Variants in HPS1 observed in about 807,000 individuals in gnomAD.
HPS1 encodes HPS1 biogenesis of lysosomal organelles complex 3 subunit 1.
HPS1 carries 59 observed loss-of-function variants against 90.6 expected under a neutral mutation model. The ratio of observed to expected loss-of-function variants is 0.65; its 90% CI spans 0.53 to 0.81. The LOEUF is 0.81. Among genes scored for constraint, HPS1 ranks in the 30% least tolerant of loss-of-function variants. The pLI is 0.00. For missense variants in HPS1, 849 were observed against 896.7 expected (o/e 0.95, Z 0.68); for synonymous variants, 388 against 384.4 (o/e 1.01, Z -0.11).
rs1333947797 is a variant in HPS1, at chr10:98,417,827, G to A, written c.1941-101C>T. Reference sequence around the variant, plus strand: ...CTCGCAAGCAAATGCCCATGCCCTCGGTCATCTCACTAGGCCCCTGCATGT... The same window carrying A: ...CTCGCAAGCAAATGCCCATGCCCTCAGTCATCTCACTAGGCCCCTGCATGT... On this transcript the variant is annotated intron_variant, in intron 19 of 19. Coordinates refer to ENST00000361490, the MANE Select transcript of HPS1 (RefSeq NM_000195.5). This position sits in a 1 kb window ranked among gnomAD's most constrained non-coding sequence, Gnocchi z 4.2. 1.5e-5 allele frequency: 17 copies of A among 1,139,938 alleles called. No homozygotes were observed. The highest frequency in any genetic ancestry group is 1.2e-4 in the East Asian group (5 of 40,596). 70.6% of individuals were successfully genotyped at this position (1,139,938 alleles called of 1,614,324 possible).
At chr10:98,441,577 C>T (rs181210629) in intron 3 of HPS1, among the ~76,000 whole-genome samples, 1 of 152,210 alleles carries the variant, frequency 6.6e-6, no homozygotes, top group East Asian at 1.9e-4. Flanking sequence ...CAAACACAAG[C>T]CACAAACTGA....
Position 98,445,515 on chromosome 10 carries a change from T to TC in HPS1, c.-105-112dup, listed in dbSNP as rs1248665981. 1 of 152,470 alleles carries TC rather than the reference T, an allele frequency of 6.6e-6. No individual in the cohort carries two copies. Among genetic ancestry groups the TC allele is most frequent in the Non-Finnish European group, 1.5e-5 (1 of 68,238 alleles). The allele number at this position is 152,470 out of a possible 1,614,324, so 9.4% of individuals were successfully genotyped here. A position where few individuals can be genotyped will look rare whatever the true frequency, so the allele number is the denominator to read the frequency against. ...GAAGGGCTGCGTGGTCCCTGGTCTC[T>TC]CCAGGCCCTGAGGCAGTCTGCTAAG... On this transcript the variant is annotated intron_variant, in intron 1 of 19. Coordinates refer to ENST00000361490, the MANE Select transcript of HPS1 (RefSeq NM_000195.5). This position sits in a 1 kb window ranked among gnomAD's most constrained non-coding sequence, Gnocchi z 4.5.
intron 8 of HPS1, among the ~76,000 whole-genome samples, chr10:98,430,187 T>C (rs374779539): frequency 6.6e-6 from 1 of 152,218 alleles, no homozygotes; most frequent in African/African-American, 2.4e-5. Flanking sequence ...CCCCAGGCAG[T>C]GCCAGGTTCT....
In HPS1 at chr10:98,416,392, A is replaced by G. The variant is rs889674880; in HGVS notation, c.*1172T>C. 1 of 152,290 alleles carries G rather than the reference A, an allele frequency of 6.6e-6. No individual in the cohort carries two copies. The highest frequency in any genetic ancestry group is 6.5e-5 in the Admixed American group (1 of 15,272). The allele number at this position is 152,290 out of a possible 1,614,324, so 9.4% of individuals were successfully genotyped here. A position where few individuals can be genotyped will look rare whatever the true frequency, so the allele number is the denominator to read the frequency against. ...TTTATGTTTTTCTGTATTTTCCACA[A>G]TCCACGCTTTTCATTGCCATTCCAT... On this transcript the variant is annotated 3_prime_UTR_variant, in exon 20 of 20. Transcript: ENST00000361490.
rs574303599 is a variant in HPS1 at position 98,436,807 on chromosome 10, C to T, written c.118-1035G>A. Among the ~76,000 whole-genome samples, 11 of 152,314 alleles carry T rather than the reference C, an allele frequency of 7.2e-5. No individual in the cohort carries two copies. The East Asian group carries it at 1.5e-3, about 21-fold the overall frequency. On this transcript the variant is annotated intron_variant, in intron 3 of 19. Transcript: ENST00000361490. ...CCTAACTTGGAGCTGGGGAAGTCTA[C>T]AAGAAGCTGAGTAAGACCTTGCCTT...
rs375906039 is a variant in HPS1, at chr10:98,422,412, G to C, written c.1700C>G (p.Ser567Trp). ...PSLNCSQKTS[S>W]ELGKGPLAAF... ...AGCCAGCGGCCCCTTGCCCAACTCC[G>C]ACGAGGTCTTTTGACTGCAGTTGAG... Residue 567 changes from serine to tryptophan, a missense_variant, in exon 17 of 20, where the codon TCG becomes TGG. By Grantham distance (177) the Ser-to-Trp change is radical (BLOSUM62 -3). Transcript: ENST00000361490. 4.4e-6 allele frequency: 7 copies of C among 1,579,662 alleles called. No homozygotes were observed. Among genetic ancestry groups the C allele is most frequent in the East Asian group, 2.4e-5 (1 of 42,344 alleles).
rs367633254 is a variant in HPS1 at position 98,424,347 on chromosome 10, C to A, written c.1363G>T (p.Ala455Ser). 1.2e-6 allele frequency: 2 copies of A among 1,612,948 alleles called. No homozygotes were observed. The highest frequency in any genetic ancestry group is 1.7e-6 in the Non-Finnish European group (2 of 1,179,604). ...GATCCGGGCTCACTTTTGGAGAAAG[C>A]CTTGGCCTTAAACTCCAGCCAGGTG... Reference protein sequence around the residue: ...QSTWLEFKAKAFSKSEPGSSW... With the variant: ...QSTWLEFKAKSFSKSEPGSSW... The change falls in exon 14 of 20, where the codon GCT becomes TCT. Residue 455 changes from alanine to serine, a missense_variant. Transcript: ENST00000361490.
At chr10:98,436,959 T>TA (rs1847425560) in intron 3 of HPS1, among the ~76,000 whole-genome samples, 1 of 152,200 alleles carries the variant, frequency 6.6e-6, no homozygotes, top group African/African-American at 2.4e-5. Flanking sequence ...CTCCCACAGT[T>TA]AGTCTGTCCA....
chr10:98,443,872 A>C (rs557563811), intron 2 of HPS1, among the ~76,000 whole-genome samples: 4 of 152,276 alleles, frequency 2.6e-5, no homozygotes, highest in South Asian at 2.1e-4. Flanking sequence ...GTCTCTACTA[A>C]AAATACAAAA....
At chr10:98,427,861 T>C (rs1275138721) in intron 10 of HPS1, among the ~76,000 whole-genome samples, 3 of 152,214 alleles carry the variant, frequency 2.0e-5, no homozygotes, top group Non-Finnish European at 2.9e-5. Context: ...TCATTTATAA[T>C]CATGTTTCTT....
intron 2 of HPS1, among the ~76,000 whole-genome samples, chr10:98,444,039 A>AAAACAAACAAAC (rs144071027): frequency 6.0e-5 from 9 of 149,900 alleles, no homozygotes; most frequent in African/African-American, 1.5e-4. Flanking sequence ...TCTGTCTGAA[A>AAAACAAACAAAC]AAACAAACAA....
intron 6 of HPS1, 99 bp downstream of exon 6, chr10:98,433,884 G>A: frequency 6.7e-7 from 1 of 1,493,740 alleles, no homozygotes; most frequent in Non-Finnish European, 9.1e-7. Context: ...GGGGCTGCTT[G>A]TGCCTTCATT....
intron 3 of HPS1, chr10:98,442,768 A>C (rs1160046645): frequency 4.1e-5 from 13 of 317,042 alleles, no homozygotes; most frequent in Non-Finnish European, 7.4e-5. Context: ...TTGGCTTCCC[A>C]AAGTGTTGTG....
chr10:98,422,487 A>G lies in HPS1; in HGVS notation c.1625T>C (p.Val542Ala). The G allele has an allele frequency of 6.2e-7, 1 of 1,614,190 alleles. No individual in the cohort carries two copies. Among genetic ancestry groups the G allele is most frequent in the Non-Finnish European group, 8.5e-7 (1 of 1,180,024 alleles). The stretch of plus-strand genomic sequence containing the variant: ...GGTGCGGTCCACATAGATGAAGTGC[A>G]CCAAGCCTGGGAAGTCTTCTAGGTA... The part of the protein sequence containing the change: ...VSYLEDFPGL[V>A]HFIYVDRTTG... Residue 542 changes from valine to alanine, a missense_variant, in exon 17 of 20, where the codon GTG becomes GCG. Physicochemically the swap from Val to Ala is moderately conservative, Grantham distance 64. Transcript: ENST00000361490.
In HPS1 at chr10:98,435,459, C is replaced by G. The variant is rs1847184767; in HGVS notation, c.256-45G>C. 6.2e-7 allele frequency: 1 copy of G among 1,613,452 alleles called. No individual in the cohort carries two copies. The highest frequency in any genetic ancestry group is 1.3e-5 in the African/African-American group (1 of 74,908). On this transcript the variant is annotated intron_variant, in intron 4 of 19. Coordinates refer to ENST00000361490, the MANE Select transcript of HPS1 (RefSeq NM_000195.5). This position sits in a 1 kb window ranked among gnomAD's most constrained non-coding sequence, Gnocchi z 4.3. ...AGTGTCAGCCAGCCCCAAGGGCACT[C>G]CCTTCACCTGCCCTGGTCTCTGCAG...
chr10:98,430,027 G>T, intron 8 of HPS1, 138 bp from the exon 9 acceptor site: 2 of 695,896 alleles, frequency 2.9e-6, no homozygotes, highest in Non-Finnish European at 4.9e-6. Context: ...TGGGTGTGTG[G>T]TCCTCAGACT....
At chr10:98,442,754 C>G (rs1024071254) in intron 3 of HPS1, 1 of 310,572 alleles carries the variant, frequency 3.2e-6, no homozygotes, top group East Asian at 8.1e-5. Flanking sequence ...GCAACTGGCC[C>G]ACCTTGGCTT....
Position 98,434,033 on chromosome 10 carries a change from G to A in HPS1, c.457C>T (p.Leu153=). The part of the protein sequence containing the change: ...VQLWEHFQSL[L]WTYSRLREQE... ...TCCCGCAGGCGGCTGTAGGTCCACAGCAGGCTCTGGAAGTGCTCCCACAGC... is the reference window on the plus strand; with the variant it reads ...TCCCGCAGGCGGCTGTAGGTCCACAACAGGCTCTGGAAGTGCTCCCACAGC... Residue 153 remains leucine (L), a synonymous_variant, in exon 6 of 20, where the codon CTG becomes TTG. Coordinates refer to ENST00000361490, the MANE Select transcript of HPS1 (RefSeq NM_000195.5). 1 of 1,557,144 alleles carries A rather than the reference G, an allele frequency of 6.4e-7. No individual in the cohort carries two copies. Among genetic ancestry groups the A allele is most frequent in the South Asian group, 1.2e-5 (1 of 84,428 alleles).
intron 3 of HPS1, among the ~76,000 whole-genome samples, chr10:98,440,154 T>G (rs903221698): frequency 6.6e-6 from 1 of 152,168 alleles, no homozygotes; most frequent in Non-Finnish European, 1.5e-5. Flanking sequence ...GGTAAGAAAA[T>G]GGACTAATAC....
Sources: gnomAD v4.1 joint callset for allele counts (sites outside exome capture counted in the v4.1 genomes callset) on GRCh38, gnomAD v4.1.1 for gene constraint, Gnocchi (gnomAD v3.1) non-coding constraint, MANE v1.5 for transcripts, NCBI Gene and HGNC (gene_info 2026-07-23, HGNC 2026-07-21) for gene names.